The following RNF169 variants were observed in gnomAD, a reference collection of about 807,000 sequenced individuals.
The protein encoded by RNF169 is E3 ubiquitin-protein ligase RNF169.
Under a neutral mutation model 53.9 loss-of-function variants are expected in RNF169, and 24 were observed. The ratio of observed to expected loss-of-function variants is 0.45; its 90% CI spans 0.32 to 0.63. The LOEUF is 0.63. Among genes scored for constraint, RNF169 ranks in the 20% least tolerant of loss-of-function variants. The pLI is 0.04. For missense variants in RNF169, 883 were observed against 906.2 expected, an observed-to-expected ratio of 0.97 and a Z score of 0.33; for synonymous variants, 396 against 363.5, an observed-to-expected ratio of 1.09 and a Z score of -1.02.
intron 1 of RNF169, among the ~76,000 whole-genome samples, chr11:74,761,712 C>G (rs1404590263): frequency 6.6e-6 from 1 of 151,768 alleles, no homozygotes; most frequent in Admixed American, 6.6e-5. Context: ...CCTTTCCCGA[C>G]CTTTCTCTCT....
In RNF169 at chr11:74,749,152, G is replaced by T; in HGVS notation, c.272G>T (p.Cys91Phe). 7.9e-7 allele frequency: 1 copy of T among 1,263,392 alleles called. No homozygotes were observed. The highest frequency in any genetic ancestry group is 9.9e-7 in the Non-Finnish European group (1 of 1,006,388). The allele number at this position is 1,263,392 out of a possible 1,614,324, so 78.3% of individuals were successfully genotyped here. Residue 91 changes from cysteine (C) to phenylalanine (F), a missense_variant, in exon 1 of 6, where the codon TGC becomes TTC. Cys to Phe is a radical substitution (Grantham distance 205, BLOSUM62 -2). Coordinates refer to ENST00000299563, the MANE Select transcript of RNF169 (RefSeq NM_001098638.2). ...LPCGHSLCRG[C>F]AQRAADAAGP... ...TGCGGCCACTCGCTTTGCCGAGGCT[G>T]CGCCCAACGCGCCGCCGACGCGGCG...
chr11:74,785,175 T>TATATATATATGATATATATATATG (rs1565176439), intron 1 of RNF169, among the ~76,000 whole-genome samples: 21 of 66,516 alleles, frequency 3.2e-4, no homozygotes, highest in African/African-American at 2.8e-3. Flanking sequence ...ATATATATGA[T>TATATATATATGATATATATATATG]ATATATATAT....
chr11:74,838,057 T>A lies in RNF169; in HGVS notation c.*1327T>A, dbSNP rs963012644. On this transcript the variant is annotated 3_prime_UTR_variant, in exon 6 of 6. Transcript: ENST00000299563. ...CCCAATATATGTTGTTTCCTTTGAG[T>A]AGCCCCAGCAGGATACTGCTTAGTT... The A allele has an allele frequency of 6.6e-6, 1 of 152,172 alleles. No homozygotes were observed. The highest frequency in any genetic ancestry group is 2.1e-4 in the South Asian group (1 of 4,818). The allele number at this position is 152,172 out of a possible 1,614,324, so 9.4% of individuals were successfully genotyped here. A position where few individuals can be genotyped will look rare whatever the true frequency, so the allele number is the denominator to read the frequency against.
intron 1 of RNF169, among the ~76,000 whole-genome samples, chr11:74,762,595 A>G (rs553650659): frequency 1.3e-5 from 2 of 152,298 alleles, no homozygotes; most frequent in East Asian, 1.9e-4. Flanking sequence ...TCACGCTGGG[A>G]GCTGTAGACC....
Position 74,837,008 on chromosome 11 carries a change from A to G in RNF169, c.*278A>G, listed in dbSNP as rs2036267387. The G allele has an allele frequency of 1.2e-5, 4 of 320,124 alleles. 1 individual carries two copies. Among genetic ancestry groups the G allele is most frequent in the South Asian group, 5.7e-5 (1 of 17,396 alleles). The allele number at this position is 320,124 out of a possible 1,614,324, so 19.8% of individuals were successfully genotyped here. A position where few individuals can be genotyped will look rare whatever the true frequency, so the allele number is the denominator to read the frequency against. On this transcript the variant is annotated 3_prime_UTR_variant, in exon 6 of 6. Transcript: ENST00000299563. ...AGATTTGGAACGGCCTCAGGAGCAT[A>G]ATGGCCACAGTTAGTAATGGTAAAG...
chr11:74,763,528 A>G (rs76301141), intron 1 of RNF169, among the ~76,000 whole-genome samples: 218 of 152,356 alleles, frequency 1.4e-3, no homozygotes, highest in African/African-American at 4.9e-3. Context: ...AAAAGAATGA[A>G]ACATAATGAA....
intron 4 of RNF169, among the ~76,000 whole-genome samples, chr11:74,830,089 T>C (rs1432600493): frequency 6.6e-6 from 1 of 151,830 alleles, no homozygotes; most frequent in East Asian, 1.9e-4. Flanking sequence ...CAGAGGGAAA[T>C]TTATAGCTGT....
chr11:74,748,866 C>T lies in RNF169; in HGVS notation c.-15C>T, dbSNP rs957523737. On this transcript the variant is annotated 5_prime_UTR_variant, in exon 1 of 6. Coordinates refer to ENST00000299563, the MANE Select transcript of RNF169 (RefSeq NM_001098638.2). ...TCTCCCTCGCAACCGACTCTCCCTT[C>T]AAACGGGAAACAAGATGGCGGCTGC... The T allele has an allele frequency of 1.3e-5, 18 of 1,401,612 alleles. No homozygotes were observed. The highest frequency in any genetic ancestry group is 1.6e-5 in the South Asian group (1 of 61,974). 86.8% of individuals were successfully genotyped at this position (1,401,612 alleles called of 1,614,324 possible).
Position 74,748,849 on chromosome 11 carries a change from G to C in RNF169, c.-32G>C, listed in dbSNP as rs1031557100. The C allele has an allele frequency of 1.5e-6, 2 of 1,368,984 alleles. No individual in the cohort carries two copies. Among genetic ancestry groups the C allele is most frequent in the African/African-American group, 1.5e-5 (1 of 65,904 alleles). 84.8% of individuals were successfully genotyped at this position (1,368,984 alleles called of 1,614,324 possible). A position where few individuals can be genotyped will look rare whatever the true frequency, so the allele number is the denominator to read the frequency against. ...GCCCCGCCCTCCACTCTTCTCCCTC[G>C]CAACCGACTCTCCCTTCAAACGGGA... On this transcript the variant is annotated 5_prime_UTR_variant, in exon 1 of 6. Transcript: ENST00000299563.
rs774244425 is a variant in RNF169, at chr11:74,810,268, A to C, written c.661A>C (p.Arg221=). The change falls in exon 3 of 6, where the codon AGG becomes CGG. Residue 221 remains arginine, a synonymous_variant. Transcript: ENST00000299563. The stretch of plus-strand genomic sequence containing the variant: ...ACCAGAGGATACAGAAACAGGGAAA[A>C]GGAAAATGGATGAACAGAAAAAAAG... ...LLPEDTETGK[R]KMDEQKKRDE... 8 of 1,613,880 alleles carry C rather than the reference A, an allele frequency of 5.0e-6. 1 individual carries two copies. In the South Asian group the frequency reaches 8.8e-5, roughly 18 times the overall value.
At chr11:74,758,347 C>T (rs1203414117) in intron 1 of RNF169, among the ~76,000 whole-genome samples, 2 of 146,536 alleles carry the variant, frequency 1.4e-5, no homozygotes, top group Non-Finnish European at 1.5e-5. Context: ...TGTTCTGTTC[C>T]ATTGATCTAT....
At chr11:74,779,983 A>G (rs543884087) in intron 1 of RNF169, among the ~76,000 whole-genome samples, 86 of 152,278 alleles carry the variant, frequency 5.6e-4, no homozygotes, top group Admixed American at 2.5e-3. Context: ...CTAAGCAGGT[A>G]AATATGAGAT....
chr11:74,764,369 A>G (rs1428784584), intron 1 of RNF169, among the ~76,000 whole-genome samples: 1 of 152,202 alleles, frequency 6.6e-6, no homozygotes, highest in Non-Finnish European at 1.5e-5. Flanking sequence ...CCCTGTCTCT[A>G]CTAAATACAA....
intron 1 of RNF169, among the ~76,000 whole-genome samples, chr11:74,768,939 C>T (rs2035217670): frequency 6.6e-6 from 1 of 151,986 alleles, no homozygotes; most frequent in African/African-American, 2.4e-5. Context: ...CCCAGCTATT[C>T]AGGAGGCTGA....
intron 1 of RNF169, among the ~76,000 whole-genome samples, chr11:74,781,420 A>G (rs1486227539): frequency 1.3e-5 from 2 of 152,218 alleles, no homozygotes; most frequent in Non-Finnish European, 2.9e-5. Context: ...GAGGAATAAA[A>G]CCAGACAGTA....
At chr11:74,782,621 GC>G (rs1241440185) in intron 1 of RNF169, among the ~76,000 whole-genome samples, 2 of 152,158 alleles carry the variant, frequency 1.3e-5, no homozygotes, top group African/African-American at 4.8e-5. Flanking sequence ...GATATGGATG[GC>G]CCCTTATGGC....
At chr11:74,812,917 C>A (rs2035893811) in intron 3 of RNF169, among the ~76,000 whole-genome samples, 1 of 152,156 alleles carries the variant, frequency 6.6e-6, no homozygotes, top group Non-Finnish European at 1.5e-5. Flanking sequence ...GCTTATACCC[C>A]AAAACTCTAA....
chr11:74,760,302 G>C (rs61897009), intron 1 of RNF169, among the ~76,000 whole-genome samples: 24 of 152,210 alleles, frequency 1.6e-4, no homozygotes, highest in East Asian at 5.8e-4. Flanking sequence ...TTTTATGTCT[G>C]TATTTCCTTC....
intron 1 of RNF169, among the ~76,000 whole-genome samples, chr11:74,753,064 G>A (rs1249271280): frequency 6.6e-6 from 1 of 152,174 alleles, no homozygotes; most frequent in South Asian, 2.1e-4. Context: ...CGCCTCACCG[G>A]TTCAAGCGAT....
Sources: allele counts gnomAD v4.1 joint callset (sites outside exome capture counted in the v4.1 genomes callset), GRCh38; gene constraint gnomAD v4.1.1; transcripts MANE v1.5; gene names NCBI Gene and HGNC (gene_info 2026-07-23, HGNC 2026-07-21).